UACA: variants seen among roughly 807,000 people sequenced by gnomAD.
UACA encodes nuclear membrane binding protein.
In UACA, 112 loss-of-function variants were observed where a neutral mutation model predicts 160.5. That is an observed-to-expected ratio of 0.70 (90% CI 0.60 to 0.82). The LOEUF is 0.82. Among genes scored for constraint, UACA ranks in the 40% least tolerant of loss-of-function variants. The pLI is 0.00. For missense variants in UACA, 1,574 were observed against 1,614.6 expected, an observed-to-expected ratio of 0.97 and a Z score of 0.43; for synonymous variants, 557 against 568.4, an observed-to-expected ratio of 0.98 and a Z score of 0.29.
chr15:70,760,218 G>T (rs1203466095), intron 1 of UACA, among the ~76,000 whole-genome samples: 1 of 151,844 alleles, frequency 6.6e-6, no homozygotes, highest in Non-Finnish European at 1.5e-5. Flanking sequence ...ATGTATCAAA[G>T]ACTTAAATGT....
chr15:70,661,745 G>C (rs1896712818), intron 17 of UACA: 1 of 152,078 alleles, frequency 6.6e-6, no homozygotes, highest in Non-Finnish European at 1.5e-5. Flanking sequence ...TCAGCCTATA[G>C]CAAGACCCCA....
At position 70,690,507 on chromosome 15, in the gene UACA, T is replaced by C. The variant is rs61741208; in HGVS notation, c.371A>G (p.Asn124Ser). ...ALCLQKLLQY[N>S]CPTEHADLQG... Reference sequence around the variant, plus strand: ...CAGGTCTGCATGCTCAGTGGGACAATTGTACTGTTAAAGTAAAGAAAACTT... The same window carrying C: ...CAGGTCTGCATGCTCAGTGGGACAACTGTACTGTTAAAGTAAAGAAAACTT... Residue 124 changes from asparagine to serine, a missense_variant, in exon 5 of 19, where the codon AAT (asparagine) becomes AGT (serine). Physicochemically the swap from Asn to Ser is conservative, Grantham distance 46. Coordinates refer to ENST00000322954, the MANE Select transcript of UACA (RefSeq NM_018003.4). 7.3e-5 allele frequency: 117 copies of C among 1,612,318 alleles called. No homozygotes were observed. The highest frequency in any genetic ancestry group is 8.9e-5 in the Non-Finnish European group (105 of 1,179,180).
intron 15 of UACA, 75 bp downstream of exon 15, chr15:70,670,964 T>C: frequency 1.1e-6 from 1 of 884,674 alleles, no homozygotes; most frequent in Non-Finnish European, 1.7e-6. Flanking sequence ...ACAATGCCGC[T>C]TTCTCCTCTC....
Position 70,664,689 on chromosome 15 carries a change from T to C in UACA, c.4086A>G (p.Gln1362=), listed in dbSNP as rs1237936259. ...QSQLIDTLQH[Q]VKSLEQQLAD... ...CCAGCTGTTGCTCCAGAGATTTCAC[T>C]TGGTGCTGCAGAGTGTCAATCAGCT... The change falls in exon 17 of 19, where the codon CAA becomes CAG. Residue 1362 remains glutamine (Q), a synonymous_variant. Coordinates refer to ENST00000322954, the MANE Select transcript of UACA (RefSeq NM_018003.4). 2.4e-5 allele frequency: 38 copies of C among 1,611,150 alleles called. 1 individual carries two copies. In the Admixed American group the frequency reaches 6.2e-4, roughly 26 times the overall value.
intron 5 of UACA, among the ~76,000 whole-genome samples, chr15:70,688,240 A>G (rs1281131851): frequency 6.6e-6 from 1 of 152,210 alleles, no homozygotes; most frequent in Admixed American, 6.5e-5. Flanking sequence ...TGAATCATAC[A>G]ATTCATATTT....
chr15:70,699,531 A>G lies in UACA; in HGVS notation c.208T>C (p.Ser70Pro). The part of the protein sequence containing the change: ...NPGKLDVEGR[S>P]VFHVVTSKGN... The stretch of plus-strand genomic sequence containing the variant: ...TTTATCATCAATAATACTTACACAG[A>G]TCTGCCTTCCACATCTAGTTTGCCT... Residue 70 changes from serine to proline, a missense_variant, in exon 2 of 19, where the codon TCT (serine) becomes CCT (proline). Transcript: ENST00000322954. 6.2e-7 allele frequency: 1 copy of G among 1,610,904 alleles called. No homozygotes were observed. The highest frequency in any genetic ancestry group is 8.5e-7 in the Non-Finnish European group (1 of 1,179,130).
chr15:70,671,054 A>G lies in UACA; in HGVS notation c.1206T>C (p.Tyr402=). 1 of 1,578,844 alleles carries G rather than the reference A, an allele frequency of 6.3e-7. No homozygotes were observed. The highest frequency in any genetic ancestry group is 8.6e-7 in the Non-Finnish European group (1 of 1,164,700). ...CAGTTATTACCTGTGAGTCTGCCAT[A>G]TACATCTGACCTTGTTTAAGAAGCA... ...EDMLLKQGQM[Y]MADSQCTSPG... Residue 402 remains tyrosine (Y), a synonymous_variant, in exon 15 of 19, where the codon TAT becomes TAC. Coordinates refer to ENST00000322954, the MANE Select transcript of UACA (RefSeq NM_018003.4).
At chr15:70,688,314 A>G (rs185130080) in intron 5 of UACA, among the ~76,000 whole-genome samples, 2 of 152,312 alleles carry the variant, frequency 1.3e-5, no homozygotes, top group Admixed American at 6.5e-5. Context: ...GCTAATAATT[A>G]TAAAATCACA....
intron 2 of UACA, among the ~76,000 whole-genome samples, chr15:70,697,521 T>C (rs1259234241): frequency 6.6e-6 from 1 of 152,232 alleles, no homozygotes; most frequent in Non-Finnish European, 1.5e-5. Flanking sequence ...CTTCAAATAT[T>C]TCATTTTTGA....
intron 8 of UACA, among the ~76,000 whole-genome samples, chr15:70,683,706 G>A (rs534521798): frequency 4.1e-4 from 62 of 152,022 alleles, no homozygotes; most frequent in African/African-American, 1.4e-3. Context: ...AAAAAAGTAA[G>A]CTACAATTCA....
the UACA span, among the ~76,000 whole-genome samples, chr15:70,769,966 T>C: frequency 0.18 from 27,538 of 152,146 alleles, 3,797 homozygotes; most frequent in African/African-American, 0.39. Flanking sequence ...CATTGCACTC[T>C]AGCCTGGGCA....
chr15:70,690,331 G>T, intron 5 of UACA, 123 bp downstream of exon 5: 1 of 906,426 alleles, frequency 1.1e-6, no homozygotes, highest in Non-Finnish European at 1.7e-6. Context: ...TGTGCAAACA[G>T]GTTTTTAATA....
intron 1 of UACA, among the ~76,000 whole-genome samples, chr15:70,736,592 G>A (rs893165934): frequency 3.3e-5 from 5 of 151,668 alleles, no homozygotes; most frequent in East Asian, 3.9e-4. Context: ...TCACCACCAC[G>A]CCCGGCTATT....
At chr15:70,679,432 A>AAATAAATAAATG (rs911434880) in intron 10 of UACA, among the ~76,000 whole-genome samples, 176 bp downstream of exon 10, 1 of 150,856 alleles carries the variant, frequency 6.6e-6, no homozygotes, top group Non-Finnish European at 1.5e-5. Context: ...ATAAATAAAT[A>AAATAAATAAATG]AATAAATAGA....
intron 3 of UACA, among the ~76,000 whole-genome samples, chr15:70,694,707 C>T (rs1347583372): frequency 6.6e-6 from 1 of 152,044 alleles, no homozygotes; most frequent in Non-Finnish European, 1.5e-5. Flanking sequence ...AAGAAACATC[C>T]AACCAAATGC....
intron 1 of UACA, among the ~76,000 whole-genome samples, chr15:70,706,317 A>G (rs1898521837): frequency 6.6e-6 from 1 of 152,112 alleles, no homozygotes; most frequent in African/African-American, 2.4e-5. Context: ...CACTGCTAAC[A>G]TTATACTCAA....
chr15:70,689,846 A>T (rs1294480065), intron 5 of UACA, among the ~76,000 whole-genome samples: 1 of 152,136 alleles, frequency 6.6e-6, no homozygotes, highest in Non-Finnish European at 1.5e-5. Flanking sequence ...AATCTCTAAA[A>T]ATCAGTATAA....
At chr15:70,660,517 T>C (rs1010428624) in intron 17 of UACA, 6 of 304,228 alleles carry the variant, frequency 2.0e-5, no homozygotes, top group Admixed American at 1.5e-4. Context: ...GTCTGGATTA[T>C]TGCAAACGCT....
At chr15:70,674,963 C>T (rs965790465) in intron 13 of UACA, among the ~76,000 whole-genome samples, 5 of 152,070 alleles carry the variant, frequency 3.3e-5, no homozygotes, top group African/African-American at 4.8e-5. Flanking sequence ...TAAATAGTAC[C>T]GAAATTATAT....
Sources: gnomAD v4.1 joint callset for allele counts (sites outside exome capture counted in the v4.1 genomes callset) on GRCh38, gnomAD v4.1.1 for gene constraint, MANE v1.5 for transcripts, NCBI Gene and HGNC (gene_info 2026-07-23, HGNC 2026-07-21) for gene names.